Variants in FBXW11 observed in about 807,000 individuals in gnomAD.
FBXW11 encodes F-box and WD repeat domain containing 11, also known as F-box/WD repeat-containing protein 11.
FBXW11 carries 19 observed loss-of-function variants against 77.6 expected under a neutral mutation model. The ratio of observed to expected loss-of-function variants is 0.24; its 90% CI spans 0.17 to 0.36. The LOEUF (loss-of-function observed/expected upper bound fraction) is 0.36, where lower values mean the gene tolerates loss of function less well. Ranked by LOEUF, FBXW11 falls within the 10% of genes least tolerant of loss-of-function variation. The pLI is 1.00. For missense variants in FBXW11, 334 were observed against 704.2 expected, an observed-to-expected ratio of 0.47 and a Z score of 5.95; for synonymous variants, 235 against 249.4, an observed-to-expected ratio of 0.94 and a Z score of 0.54.
At chr5:171,895,963 C>T (rs77168743) in intron 6 of FBXW11, among the ~76,000 whole-genome samples, 1,921 of 152,276 alleles carry the variant, frequency 0.013, 17 homozygotes, top group Middle Eastern at 0.027. Flanking sequence ...AACACCCAGG[C>T]GAGATGAGCC....
At chr5:171,935,344 C>T (rs1274047165) in intron 2 of FBXW11, among the ~76,000 whole-genome samples, 1 of 152,074 alleles carries the variant, frequency 6.6e-6, no homozygotes, top group Non-Finnish European at 1.5e-5. Flanking sequence ...CTAAAAATCA[C>T]TGAATTGTAC....
At chr5:171,952,239 C>T (rs980614675) in intron 2 of FBXW11, among the ~76,000 whole-genome samples, 2 of 150,722 alleles carry the variant, frequency 1.3e-5, no homozygotes, top group Admixed American at 6.6e-5. Flanking sequence ...GAAGTAAGGC[C>T]CTAAAATAGC....
At chr5:171,935,686 A>C (rs1197339795) in intron 2 of FBXW11, among the ~76,000 whole-genome samples, 2 of 152,216 alleles carry the variant, frequency 1.3e-5, no homozygotes, top group African/African-American at 4.8e-5. Context: ...CAAGCAAGGC[A>C]TCAGTGGAGC....
intron 1 of FBXW11, among the ~76,000 whole-genome samples, chr5:171,982,895 G>T (rs1330052046): frequency 6.6e-6 from 1 of 152,126 alleles, no homozygotes; most frequent in East Asian, 1.9e-4. Flanking sequence ...GCATGCCGAT[G>T]TCATGAAGCT....
At chr5:172,005,961 G>C (rs1360677450) in intron 1 of FBXW11, among the ~76,000 whole-genome samples, 1 of 152,170 alleles carries the variant, frequency 6.6e-6, no homozygotes, top group Non-Finnish European at 1.5e-5. Context: ...CATCCACACA[G>C]ACCTAGGCTG....
intron 1 of FBXW11, among the ~76,000 whole-genome samples, chr5:172,000,826 G>A (rs540492348): frequency 1.8e-4 from 27 of 152,272 alleles, no homozygotes; most frequent in Admixed American, 3.3e-4. Context: ...GCTAGCAAGC[G>A]ACAGAGCTTG....
intron 1 of FBXW11, among the ~76,000 whole-genome samples, chr5:171,973,218 G>A (rs760276223): frequency 6.6e-6 from 1 of 152,140 alleles, no homozygotes; most frequent in Non-Finnish European, 1.5e-5. Context: ...AACAAAATAT[G>A]TAGACCAAAT....
intron 2 of FBXW11, among the ~76,000 whole-genome samples, chr5:171,951,218 T>C (rs1051082503): frequency 3.0e-5 from 4 of 134,920 alleles, no homozygotes; most frequent in Admixed American, 7.5e-5. Context: ...AAAAAAAAAA[T>C]TGTAGTCTAA....
At chr5:171,923,662 A>G (rs978574224) in intron 2 of FBXW11, among the ~76,000 whole-genome samples, 9 of 151,930 alleles carry the variant, frequency 5.9e-5, no homozygotes, top group African/African-American at 2.2e-4. Flanking sequence ...GATAACCAGC[A>G]TTTTTTTTAA....
At chr5:171,913,160 T>C (rs1339489979) in intron 3 of FBXW11, among the ~76,000 whole-genome samples, 1 of 152,204 alleles carries the variant, frequency 6.6e-6, no homozygotes, top group African/African-American at 2.4e-5. Context: ...GCCAAAATAA[T>C]GGTTCATAAC....
Position 171,862,087 on chromosome 5 carries a change from A to G in FBXW11, c.*2040T>C, listed in dbSNP as rs763759809. On this transcript the variant is annotated 3_prime_UTR_variant, in exon 14 of 14. Coordinates refer to ENST00000517395, the MANE Select transcript of FBXW11 (RefSeq NM_001378974.1). ...CTATATTAAACATGCAAAAACAACA[A>G]AAAATCCATTCATTCATTCAGAATT... 6.6e-6 allele frequency: 1 copy of G among 152,644 alleles called. No homozygotes were observed. Among genetic ancestry groups the G allele is most frequent in the Non-Finnish European group, 1.5e-5 (1 of 68,046 alleles). 9.5% of individuals were successfully genotyped at this position (152,644 alleles called of 1,614,324 possible). A position where few individuals can be genotyped will look rare whatever the true frequency, so the allele number is the denominator to read the frequency against.
At chr5:171,976,254 T>C (rs1764823109) in intron 1 of FBXW11, among the ~76,000 whole-genome samples, 1 of 152,192 alleles carries the variant, frequency 6.6e-6, no homozygotes, top group African/African-American at 2.4e-5. Flanking sequence ...GAAAGAAGTT[T>C]CTGATGCCAA....
chr5:171,884,884 C>T (rs1054876774), intron 7 of FBXW11, among the ~76,000 whole-genome samples: 10 of 152,116 alleles, frequency 6.6e-5, no homozygotes, highest in African/African-American at 2.2e-4. Context: ...CTCCTGGTCA[C>T]TGTTGGTTTA....
chr5:171,926,571 C>T (rs1254347304), intron 2 of FBXW11, among the ~76,000 whole-genome samples: 1 of 152,164 alleles, frequency 6.6e-6, no homozygotes, highest in South Asian at 2.1e-4. Flanking sequence ...TAGCACCTCA[C>T]CACTCTCTCT....
chr5:171,913,772 A>G (rs369221095), intron 3 of FBXW11, among the ~76,000 whole-genome samples: 23 of 150,646 alleles, frequency 1.5e-4, no homozygotes, highest in East Asian at 1.2e-3. Context: ...TAAACCACCA[A>G]ATCGTGAAAC....
intron 1 of FBXW11, among the ~76,000 whole-genome samples, chr5:171,990,543 T>A (rs1765679541): frequency 6.6e-6 from 1 of 152,218 alleles, no homozygotes; most frequent in Non-Finnish European, 1.5e-5. Flanking sequence ...TAGCATTAAC[T>A]GTAACAGCAA....
intron 1 of FBXW11, 33 bp downstream of exon 1, chr5:172,006,425 G>A (rs891179412): frequency 1.2e-5 from 18 of 1,518,598 alleles, no homozygotes; most frequent in Non-Finnish European, 1.2e-5. Flanking sequence ...CCGGACGGAC[G>A]GAAGCACAGA....
chr5:171,957,031 TG>T, intron 2 of FBXW11, among the ~76,000 whole-genome samples: 1 of 152,178 alleles, frequency 6.6e-6, no homozygotes, highest in African/African-American at 2.4e-5. Flanking sequence ...GAAAACTGGG[TG>T]GACCCTGAGG....
chr5:171,927,481 C>T (rs181279898), intron 2 of FBXW11, among the ~76,000 whole-genome samples: 135 of 152,160 alleles, frequency 8.9e-4, no homozygotes, highest in African/African-American at 3.0e-3. Context: ...CTTCCACAGG[C>T]ACATCACAAA....
Sources: gnomAD v4.1 joint callset for allele counts (sites outside exome capture counted in the v4.1 genomes callset) on GRCh38, gnomAD v4.1.1 for gene constraint, MANE v1.5 for transcripts, NCBI Gene and HGNC (gene_info 2026-07-23, HGNC 2026-07-21) for gene names.